FBXL6: variants seen among roughly 807,000 people sequenced by gnomAD.
FBXL6 encodes the protein F-box/LRR-repeat protein 6.
Under a neutral mutation model 53.3 loss-of-function variants are expected in FBXL6, and 50 were observed. The observed-to-expected ratio is 0.94, with a 90% CI of 0.75 to 1.19. The LOEUF (loss-of-function observed/expected upper bound fraction) is 1.19, where lower values mean the gene tolerates loss of function less well. Ranked by LOEUF, FBXL6 falls within the 50% of genes most tolerant of loss-of-function variation. FBXL6 has a pLI of 0.00. For synonymous variants in FBXL6, 405 were observed against 322.9 expected (o/e 1.25, Z -2.73); for missense variants, 815 against 719.0 (o/e 1.13, Z -1.53).
rs782001662 is a variant in FBXL6 at position 144,356,442 on chromosome 8, G to C, written c.1083C>G (p.Leu361=). Reference sequence around the variant, plus strand: ...AGTTGCAGGTTGAGCTCGCCAGGCAGAGCTCCTCTAGGCTAGGGAAGCCTG... The same window carrying C: ...AGTTGCAGGTTGAGCTCGCCAGGCACAGCTCCTCTAGGCTAGGGAAGCCTG... ...PGPGFPSLEE[L]CLASSTCNFV... Residue 361 remains leucine (L), a synonymous_variant, in exon 7 of 9, where the codon CTC becomes CTG. Transcript: ENST00000331890. 1.9e-6 allele frequency: 3 copies of C among 1,612,938 alleles called. No individual in the cohort carries two copies. Among genetic ancestry groups the C allele is most frequent in the Non-Finnish European group, 2.5e-6 (3 of 1,180,034 alleles).
Position 144,355,957 on chromosome 8 carries a change from G to C in FBXL6, c.1472+11C>G, listed in dbSNP as rs782088021. ...ACACTGGCTCCAGGGACTGGGGTAGGGGATGCTGACCTGACAGTGCTTGGT... is the reference window on the plus strand; with the variant it reads ...ACACTGGCTCCAGGGACTGGGGTAGCGGATGCTGACCTGACAGTGCTTGGT... On this transcript the variant is annotated intron_variant, in intron 8 of 8. Coordinates refer to ENST00000331890, the MANE Select transcript of FBXL6 (RefSeq NM_012162.4). 6.2e-7 allele frequency: 1 copy of C among 1,610,728 alleles called. No homozygotes were observed. Among genetic ancestry groups the C allele is most frequent in the Admixed American group, 1.7e-5 (1 of 59,978 alleles).
rs781827087 is a variant in FBXL6, at chr8:144,356,140, A to T, written c.1300T>A (p.Leu434Met). ...AGTGTATGGCACCACTTCTGGGTCA[A>T]AAAGGGGCTGCCCTCCTTGGCTAGA... ...LTLAKEGSPFLTQKWCHTLRE... is the reference protein window; with the variant it reads ...LTLAKEGSPFMTQKWCHTLRE... The change falls in exon 8 of 9, where the codon TTG becomes ATG. Residue 434 changes from leucine to methionine, a missense_variant. Transcript: ENST00000331890. The T allele has an allele frequency of 1.3e-5, 21 of 1,612,976 alleles. No homozygotes were observed. Among genetic ancestry groups the T allele is most frequent in the Non-Finnish European group, 1.8e-5 (21 of 1,180,012 alleles).
At position 144,356,045 on chromosome 8, in the gene FBXL6, TAAG is replaced by T. The variant is rs1554852674; in HGVS notation, c.1392_1394del (p.Phe464del). 1.2e-6 allele frequency: 2 copies of T among 1,612,886 alleles called. No homozygotes were observed. Among genetic ancestry groups the T allele is most frequent in the East Asian group, 2.2e-5 (1 of 44,870 alleles). ...CTGGGTGTGAGCCCCCAGGGGTGCTTAAGAAGGCAGCCAGGGCCTGCTCCAGGT... is the reference window on the plus strand; with the variant it reads ...CTGGGTGTGAGCCCCCAGGGGTGCTTAAGGCAGCCAGGGCCTGCTCCAGGT... On this transcript the variant is annotated inframe_deletion, in exon 8 of 9. Coordinates refer to ENST00000331890, the MANE Select transcript of FBXL6 (RefSeq NM_012162.4).
chr8:144,358,464 C>T lies in FBXL6; in HGVS notation c.-17G>A, dbSNP rs1468902499. Reference sequence around the variant, plus strand: ...GGCAGCCATGACCACCGACGGCGCTCGGGGAAGCCCCAGGGAGCGGAACGG... The same window carrying T: ...GGCAGCCATGACCACCGACGGCGCTTGGGGAAGCCCCAGGGAGCGGAACGG... On this transcript the variant is annotated 5_prime_UTR_variant, in exon 1 of 9. Transcript: ENST00000331890. 6.5e-6 allele frequency: 8 copies of T among 1,236,214 alleles called. No homozygotes were observed. In the African/African-American group the frequency reaches 9.2e-5, roughly 14 times the overall value. The allele number at this position is 1,236,214 out of a possible 1,614,324, so 76.6% of individuals were successfully genotyped here.
chr8:144,356,953 T>G (rs782070332), intron 4 of FBXL6, 37 bp downstream of exon 4: 2 of 1,613,060 alleles, frequency 1.2e-6, no homozygotes, highest in Non-Finnish European at 1.7e-6. Flanking sequence ...CACCCCGGCC[T>G]GGGTTTTTTC....
rs782104865 is a variant in FBXL6, at chr8:144,357,129, G to T, written c.640-8C>A. On this transcript the variant is annotated splice_region_variant and splice_polypyrimidine_tract_variant and intron_variant, in intron 3 of 8. Coordinates refer to ENST00000331890, the MANE Select transcript of FBXL6 (RefSeq NM_012162.4). ...ACAGCACTCACCTACCAGCTGCGGGGAGACAGAGGGGCAGCTGGGGTTGGG... is the reference window on the plus strand; with the variant it reads ...ACAGCACTCACCTACCAGCTGCGGGTAGACAGAGGGGCAGCTGGGGTTGGG... The T allele has an allele frequency of 6.2e-7, 1 of 1,612,778 alleles. No homozygotes were observed. The highest frequency in any genetic ancestry group is 2.2e-5 in the East Asian group (1 of 44,884).
At chr8:144,357,813 C>G in intron 1 of FBXL6, 27 bp from the exon 2 acceptor site, 1 of 1,492,094 alleles carries the variant, frequency 6.7e-7, no homozygotes, top group South Asian at 1.3e-5. Context: ...CTGAGGGTGC[C>G]GGCCCCTCCG....
At position 144,355,506 on chromosome 8, in the gene FBXL6, T is replaced by G. The variant is rs782556212; in HGVS notation, c.*25A>C. ...AAAGGTGGAGGGTGGGCAAGCTGGC[T>G]GAGGTGTCCCAGGTCTGTGGCTGCC... On this transcript the variant is annotated 3_prime_UTR_variant, in exon 9 of 9. Transcript: ENST00000331890. 1.9e-6 allele frequency: 3 copies of G among 1,597,206 alleles called. No individual in the cohort carries two copies. In the South Asian group the frequency reaches 3.3e-5, roughly 18 times the overall value.
At chr8:144,357,398 G>A in intron 3 of FBXL6, 41 bp downstream of exon 3, 1 of 1,589,344 alleles carries the variant, frequency 6.3e-7, no homozygotes, top group Non-Finnish European at 8.6e-7. Context: ...AACAGTCCCA[G>A]AGTGTCACAG....
chr8:144,357,194 G>T (rs782653376), intron 3 of FBXL6, 73 bp from the exon 4 acceptor site: 2 of 1,589,072 alleles, frequency 1.3e-6, no homozygotes, highest in Non-Finnish European at 1.7e-6. Context: ...CAGACAAGTG[G>T]CTGGTGCCAA....
Position 144,356,639 on chromosome 8 carries a change from C to T in FBXL6, c.954G>A (p.Leu318=). 6.2e-7 allele frequency: 1 copy of T among 1,612,986 alleles called. No homozygotes were observed. The highest frequency in any genetic ancestry group is 8.5e-7 in the Non-Finnish European group (1 of 1,179,974). Reference sequence around the variant, plus strand: ...AGCCTTTCTGCAGAGCCTCGACAGGCAGCTGAAGGGGAATGCTATTACGGT... The same window carrying T: ...AGCCTTTCTGCAGAGCCTCGACAGGTAGCTGAAGGGGAATGCTATTACGGT... ...GINRNSIPLQ[L]PVEALQKGCP... Residue 318 remains leucine, a synonymous_variant, in exon 6 of 9, where the codon CTG becomes CTA. Coordinates refer to ENST00000331890, the MANE Select transcript of FBXL6 (RefSeq NM_012162.4).
At chr8:144,356,755 C>G (rs532082480) in intron 5 of FBXL6, 42 bp from the exon 6 acceptor site, 1 of 1,611,016 alleles carries the variant, frequency 6.2e-7, no homozygotes, top group Non-Finnish European at 8.5e-7. Context: ...GGGTCAGTGG[C>G]CTGGCAGTCC....
At chr8:144,355,933 C>T (rs369569192) in intron 8 of FBXL6, 35 bp downstream of exon 8, 63 of 1,607,080 alleles carry the variant, frequency 3.9e-5, no homozygotes, top group Non-Finnish European at 5.3e-5. Context: ...GTGACAGCCA[C>T]ACTGGCTCCA....
rs113552670 is a variant in FBXL6 at position 144,358,428 on chromosome 8, C to G, written c.20G>C (p.Arg7Pro). 5.6e-6 allele frequency: 7 copies of G among 1,245,012 alleles called. No homozygotes were observed. The Admixed American group carries it at 2.4e-4, about 42-fold the overall frequency. 77.1% of individuals were successfully genotyped at this position (1,245,012 alleles called of 1,614,324 possible). Reference sequence around the variant, plus strand: ...TGCCCGGGCTCTGCGTCGGACCTGCCGGGAGGCTGGGGCAGCCATGACCAC... The same window carrying G: ...TGCCCGGGCTCTGCGTCGGACCTGCGGGGAGGCTGGGGCAGCCATGACCAC... The part of the protein sequence containing the change: MAAPAS[R>P]QVRRRARAAP... The change falls in exon 1 of 9, where the codon CGG becomes CCG. Residue 7 changes from arginine to proline, a missense_variant. Arg to Pro is a moderately radical substitution (Grantham distance 103). Coordinates refer to ENST00000331890, the MANE Select transcript of FBXL6 (RefSeq NM_012162.4).
chr8:144,357,824 T>A, intron 1 of FBXL6, 38 bp from the exon 2 acceptor site: 1 of 1,469,774 alleles, frequency 6.8e-7, no homozygotes, highest in East Asian at 2.5e-5. Context: ...GGCCCCTCCG[T>A]AGGCGATGCC....
chr8:144,358,158 G>A lies in FBXL6; in HGVS notation c.290C>T (p.Pro97Leu), dbSNP rs200381094. Reference protein sequence around the residue: ...SEAAAAPAPAPAPTPTPEEGP... With the variant: ...SEAAAAPAPALAPTPTPEEGP... Reference sequence around the variant, plus strand: ...TTCCTCGGGCGTGGGCGTGGGTGCCGGTGCGGGTGCGGGCGCGGCCGCCGC... The same window carrying A: ...TTCCTCGGGCGTGGGCGTGGGTGCCAGTGCGGGTGCGGGCGCGGCCGCCGC... The change falls in exon 1 of 9, where the codon CCG becomes CTG. Residue 97 changes from proline (P) to leucine (L), a missense_variant. Coordinates refer to ENST00000331890, the MANE Select transcript of FBXL6 (RefSeq NM_012162.4). 2,200 of 1,513,600 alleles carry A rather than the reference G, an allele frequency of 1.5e-3. 26 individuals carry two copies. The African/African-American group carries it at 0.028, about 19-fold the overall frequency. 93.8% of individuals were successfully genotyped at this position (1,513,600 alleles called of 1,614,324 possible). A position where few individuals can be genotyped will look rare whatever the true frequency, so the allele number is the denominator to read the frequency against.
At chr8:144,355,874 G>C in intron 8 of FBXL6, 94 bp downstream of exon 8, 1 of 1,571,388 alleles carries the variant, frequency 6.4e-7, no homozygotes, top group Non-Finnish European at 8.6e-7. Context: ...CTGACCCCTG[G>C]AGGTCTCAGG....
rs146838790 is a variant in FBXL6 at position 144,356,331 on chromosome 8, C to T, written c.1194G>A (p.Thr398=). ...LLDLRGCARI[T]PAGLQDLPCR... Reference sequence around the variant, plus strand: ...ATGGCAGATCCTGAAGGCCAGCCGGCGTGATGCGCGCACAGCCACGAAGAT... The same window carrying T: ...ATGGCAGATCCTGAAGGCCAGCCGGTGTGATGCGCGCACAGCCACGAAGAT... The change falls in exon 7 of 9, where the codon ACG becomes ACA. Residue 398 remains threonine, a synonymous_variant. Transcript: ENST00000331890. 111 of 1,123,060 alleles carry T rather than the reference C, an allele frequency of 9.9e-5. No individual in the cohort carries two copies. The African/African-American group carries it at 1.8e-3, about 19-fold the overall frequency. 69.6% of individuals were successfully genotyped at this position (1,123,060 alleles called of 1,614,324 possible).
rs782215608 is a variant in FBXL6, at chr8:144,356,613, C to T, written c.980G>A (p.Cys327Tyr). The T allele has an allele frequency of 1.2e-5, 20 of 1,613,034 alleles. No homozygotes were observed. The highest frequency in any genetic ancestry group is 1.7e-5 in the Non-Finnish European group (20 of 1,179,986). ...QLPVEALQKG[C>Y]PQLQVLRLLN... Reference sequence around the variant, plus strand: ...GGCGCCAGGTACCTGGAGCTGAGGGCAGCCTTTCTGCAGAGCCTCGACAGG... The same window carrying T: ...GGCGCCAGGTACCTGGAGCTGAGGGTAGCCTTTCTGCAGAGCCTCGACAGG... The change falls in exon 6 of 9, where the codon TGC becomes TAC. Residue 327 changes from cysteine (C) to tyrosine (Y), a missense_variant. Transcript: ENST00000331890.
Sources: allele counts gnomAD v4.1 joint callset, GRCh38; gene constraint gnomAD v4.1.1; transcripts MANE v1.5; gene names NCBI Gene and HGNC (gene_info 2026-07-23, HGNC 2026-07-21).